ITGA8: variants seen among roughly 807,000 people sequenced by gnomAD.
The protein encoded by ITGA8 is integrin alpha-8.
Under a neutral mutation model 142.3 loss-of-function variants are expected in ITGA8, and 91 were observed. That is an observed-to-expected ratio of 0.64 (90% CI 0.54 to 0.76). The LOEUF (loss-of-function observed/expected upper bound fraction) is 0.76. ITGA8 is among the 30% of genes least tolerant of loss of function. The pLI is 0.00. For missense variants in ITGA8, 1,406 were observed against 1,327.7 expected (o/e 1.06, Z -0.92); for synonymous variants, 505 against 485.2 (o/e 1.04, Z -0.54).
At chr10:15,643,309 T>C (rs1833903120) in intron 13 of ITGA8, among the ~76,000 whole-genome samples, 1 of 152,162 alleles carries the variant, frequency 6.6e-6, no homozygotes, top group Admixed American at 6.5e-5. Flanking sequence ...TGAGACAGTC[T>C]CACTCTGTCG....
At chr10:15,640,681 GCAACAGCT>G (rs1296456972) in intron 13 of ITGA8, among the ~76,000 whole-genome samples, 1 of 152,174 alleles carries the variant, frequency 6.6e-6, no homozygotes, top group Non-Finnish European at 1.5e-5. Context: ...GTGGAAACTG[GCAACAGCT>G]AAGGAAAATC....
chr10:15,565,573 A>ATT (rs71374633), intron 25 of ITGA8, among the ~76,000 whole-genome samples: 1,828 of 34,750 alleles, frequency 0.053, 450 homozygotes, highest in Non-Finnish European at 0.061. Context: ...TCATGTCCTG[A>ATT]TTTTTTTTTT....
chr10:15,575,639 A>G, intron 23 of ITGA8, 45 bp from the exon 24 acceptor site: 1 of 1,494,104 alleles, frequency 6.7e-7, no homozygotes. Flanking sequence ...TGGCCCAGGT[A>G]AAGAATGTTT....
At chr10:15,674,125 T>C (rs1396623897) in intron 6 of ITGA8, among the ~76,000 whole-genome samples, 1 of 152,188 alleles carries the variant, frequency 6.6e-6, no homozygotes, top group Non-Finnish European at 1.5e-5. Flanking sequence ...ATCATAAATA[T>C]TGCCAAGTGA....
chr10:15,594,130 G>C (rs1053884928), intron 21 of ITGA8, among the ~76,000 whole-genome samples: 1 of 151,954 alleles, frequency 6.6e-6, no homozygotes, highest in Admixed American at 6.6e-5. Flanking sequence ...GTGAGCCAAA[G>C]GGCCCGGCCG....
At chr10:15,669,564 G>A (rs964462148) in intron 8 of ITGA8, among the ~76,000 whole-genome samples, 1 of 152,196 alleles carries the variant, frequency 6.6e-6, no homozygotes, top group South Asian at 2.1e-4. Context: ...GCTGGTGAGA[G>A]GCTGCGTTCC....
intron 19 of ITGA8, 48 bp downstream of exon 19, chr10:15,605,676 C>G (rs1267906620): frequency 7.0e-7 from 1 of 1,432,694 alleles, no homozygotes; most frequent in Non-Finnish European, 9.8e-7. Context: ...ACATAAATAC[C>G]TGTAATTCCA....
At chr10:15,583,102 T>C (rs1009994488) in intron 23 of ITGA8, among the ~76,000 whole-genome samples, 1 of 152,268 alleles carries the variant, frequency 6.6e-6, no homozygotes, top group East Asian at 1.9e-4. Context: ...TAGCAAAGAC[T>C]TGGAACCAAC....
At chr10:15,607,084 G>A (rs2131610339) in intron 17 of ITGA8, among the ~76,000 whole-genome samples, 1 of 152,186 alleles carries the variant, frequency 6.6e-6, no homozygotes, top group South Asian at 2.1e-4. Flanking sequence ...TCCCTAGGGT[G>A]GTCCTTGCTA....
chr10:15,594,206 C>G (rs900655864), intron 21 of ITGA8, among the ~76,000 whole-genome samples: 8 of 151,920 alleles, frequency 5.3e-5, no homozygotes, highest in Admixed American at 1.3e-4. Flanking sequence ...TTTTTAGAAG[C>G]CTTTTAGCTT....
At chr10:15,570,214 A>G (rs1001896489) in intron 25 of ITGA8, among the ~76,000 whole-genome samples, 2 of 152,208 alleles carry the variant, frequency 1.3e-5, no homozygotes, top group African/African-American at 4.8e-5. Flanking sequence ...CTTATATTCA[A>G]TTTCCACAGA....
intron 2 of ITGA8, among the ~76,000 whole-genome samples, chr10:15,708,714 C>A (rs1336233545): frequency 6.6e-6 from 1 of 152,142 alleles, no homozygotes; most frequent in Non-Finnish European, 1.5e-5. Flanking sequence ...CATAGTTAAA[C>A]AAATTGGCAC....
At chr10:15,617,901 A>C (rs1293590294) in intron 13 of ITGA8, among the ~76,000 whole-genome samples, 1 of 152,262 alleles carries the variant, frequency 6.6e-6, no homozygotes, top group Non-Finnish European at 1.5e-5. Flanking sequence ...TGTAGCCATA[A>C]AAATGAATGA....
chr10:15,529,337 C>T (rs1833245994), intron 28 of ITGA8, among the ~76,000 whole-genome samples: 1 of 152,190 alleles, frequency 6.6e-6, no homozygotes, highest in Non-Finnish European at 1.5e-5. Flanking sequence ...GAGCTTTATA[C>T]AGATAATCTT....
At chr10:15,553,603 A>G (rs755644923) in intron 26 of ITGA8, among the ~76,000 whole-genome samples, 1 of 152,196 alleles carries the variant, frequency 6.6e-6, no homozygotes, top group African/African-American at 2.4e-5. Flanking sequence ...ATCATCCCAA[A>G]GTAAAACTCT....
Position 15,684,071 on chromosome 10 carries a change from T to C in ITGA8, c.501A>G (p.Pro167=). Residue 167 remains proline, a synonymous_variant, in exon 4 of 30, where the codon CCA becomes CCG. Transcript: ENST00000378076. ...RTLKPTPEKD[P]VGTCYVAIQN... ...GAATTGCTACATAGCAGGTGCCAAC[T>C]GGGTCCTTTTCTGGTGTCGGTTTAA... The C allele has an allele frequency of 6.2e-7, 1 of 1,614,188 alleles. No homozygotes were observed. Among genetic ancestry groups the C allele is most frequent in the Non-Finnish European group, 8.5e-7 (1 of 1,180,020 alleles).
chr10:15,542,466 G>A (rs553671471), intron 27 of ITGA8, among the ~76,000 whole-genome samples: 2 of 152,074 alleles, frequency 1.3e-5, no homozygotes, highest in Non-Finnish European at 2.9e-5. Flanking sequence ...ATCATAAGAT[G>A]TTTTCTTTAT....
intron 2 of ITGA8, among the ~76,000 whole-genome samples, chr10:15,691,025 C>G (rs145160729): frequency 7.6e-4 from 116 of 152,254 alleles, no homozygotes; most frequent in African/African-American, 2.5e-3. Context: ...AAAAATTAGT[C>G]AAAGGGCCTG....
At chr10:15,661,418 G>C (rs988158050) in intron 8 of ITGA8, among the ~76,000 whole-genome samples, 1 of 152,182 alleles carries the variant, frequency 6.6e-6, no homozygotes, top group African/African-American at 2.4e-5. Flanking sequence ...TGATGTAGAG[G>C]GTTGGAAGTT....
Sources: allele counts gnomAD v4.1 joint callset (sites outside exome capture counted in the v4.1 genomes callset), GRCh38; gene constraint gnomAD v4.1.1; transcripts MANE v1.5; gene names NCBI Gene and HGNC (gene_info 2026-07-23, HGNC 2026-07-21).